Variants in PHC3 observed in about 807,000 individuals in gnomAD.
PHC3 encodes the protein polyhomeotic-like protein 3.
Under a neutral mutation model 107.4 loss-of-function variants are expected in PHC3, and 13 were observed. That is an observed-to-expected ratio of 0.12 (90% CI 0.08 to 0.19). The LOEUF (loss-of-function observed/expected upper bound fraction) is 0.19, where lower values mean the gene tolerates loss of function less well. PHC3 is among the 10% of genes least tolerant of loss of function. The pLI is 1.00. For missense variants in PHC3, 992 were observed against 1,210.9 expected (o/e 0.82, Z 2.68); for synonymous variants, 456 against 427.4 (o/e 1.07, Z -0.83).
At chr3:170,103,812 G>A (rs1221734592) in intron 12 of PHC3, among the ~76,000 whole-genome samples, 1 of 152,198 alleles carries the variant, frequency 6.6e-6, no homozygotes, top group Non-Finnish European at 1.5e-5. Context: ...AGCACTTTGG[G>A]AGGCCAAGGT....
intron 1 of PHC3, among the ~76,000 whole-genome samples, chr3:170,179,241 G>C (rs1025863677): frequency 4.6e-5 from 7 of 152,012 alleles, no homozygotes; most frequent in African/African-American, 1.7e-4. Context: ...ACCAAAACAG[G>C]TAATGAGAGA....
At chr3:170,175,748 C>G (rs565673089) in intron 2 of PHC3, among the ~76,000 whole-genome samples, 1 of 151,498 alleles carries the variant, frequency 6.6e-6, no homozygotes, top group Non-Finnish European at 1.5e-5. Context: ...CATGGTGAAG[C>G]CCCATCTCTA....
intron 4 of PHC3, among the ~76,000 whole-genome samples, chr3:170,155,052 C>G (rs966158815): frequency 2.6e-5 from 4 of 152,174 alleles, no homozygotes; most frequent in Non-Finnish European, 5.9e-5. Flanking sequence ...CTTACTGAGC[C>G]CGATTACTGC....
intron 10 of PHC3, among the ~76,000 whole-genome samples, chr3:170,115,989 T>C (rs964392338): frequency 6.6e-6 from 1 of 152,006 alleles, no homozygotes; most frequent in African/African-American, 2.4e-5. Context: ...TCCAGATGAC[T>C]CAAAAGGCCT....
At chr3:170,128,054 G>A (rs1423738154) in intron 8 of PHC3, among the ~76,000 whole-genome samples, 1 of 151,974 alleles carries the variant, frequency 6.6e-6, no homozygotes, top group African/African-American at 2.4e-5. Flanking sequence ...TTTTTCCTTA[G>A]TAGAAATAAC....
chr3:170,178,966 T>C (rs1730967286), intron 1 of PHC3, 28 bp from the exon 2 acceptor site: 2 of 1,581,650 alleles, frequency 1.3e-6, no homozygotes, highest in Non-Finnish European at 1.7e-6. Context: ...GTGTTTGTAT[T>C]GGTAAAAGCA....
intron 4 of PHC3, among the ~76,000 whole-genome samples, chr3:170,165,762 A>G (rs1359407409): frequency 6.8e-6 from 1 of 146,196 alleles, no homozygotes; most frequent in Non-Finnish European, 1.5e-5. Context: ...TCAAAAAAAA[A>G]AAAAAAAAAA....
rs1158273386 is a variant in PHC3 at position 170,091,651 on chromosome 3, G to C, written c.*5579C>G. On this transcript the variant is annotated 3_prime_UTR_variant, in exon 15 of 15. Transcript: ENST00000495893. ...AGTAGAAAAGCTGATCTTCAGAGCT[G>C]AAAAGGAGGGCAGAGATTCTCCCTT... 6.6e-6 allele frequency: 1 copy of C among 152,120 alleles called. No individual in the cohort carries two copies. The highest frequency in any genetic ancestry group is 1.9e-4 in the East Asian group (1 of 5,196). The allele number at this position is 152,120 out of a possible 1,614,324, so 9.4% of individuals were successfully genotyped here.
At chr3:170,169,364 T>C (rs1729232906) in intron 4 of PHC3, among the ~76,000 whole-genome samples, 1 of 152,182 alleles carries the variant, frequency 6.6e-6, no homozygotes, top group Non-Finnish European at 1.5e-5. Flanking sequence ...GATGGCTCAT[T>C]ATCATCACTA....
At chr3:170,166,025 G>C (rs1052682447) in intron 4 of PHC3, among the ~76,000 whole-genome samples, 3 of 145,556 alleles carry the variant, frequency 2.1e-5, no homozygotes, top group African/African-American at 7.5e-5. Flanking sequence ...AATATATAAA[G>C]AACCACCAAA....
intron 11 of PHC3, among the ~76,000 whole-genome samples, chr3:170,112,599 C>T (rs1000174160): frequency 2.7e-5 from 4 of 150,330 alleles, no homozygotes; most frequent in Non-Finnish European, 4.4e-5. Context: ...TCTCAGCTCA[C>T]TGCAACCTCC....
At chr3:170,147,650 G>A (rs1009546036) in intron 5 of PHC3, 1 of 152,130 alleles carries the variant, frequency 6.6e-6, no homozygotes, top group Admixed American at 6.6e-5. Flanking sequence ...GTATATGGGA[G>A]GATATACATA....
Position 170,165,900 on chromosome 3 carries a change from G to A in PHC3, c.414+5473C>T, listed in dbSNP as rs554776145. Among the ~76,000 whole-genome samples the A allele has an allele frequency of 1.7e-3, 255 of 150,944 alleles. 2 individuals are homozygous for A. The highest frequency in any genetic ancestry group is 5.9e-3 in the African/African-American group (243 of 41,142). On this transcript the variant is annotated intron_variant, in intron 4 of 14. Coordinates refer to ENST00000495893, the MANE Select transcript of PHC3 (RefSeq NM_024947.4). ...GGAGGATCACTTGAGCCCAAGTGTT[G>A]GAGGCCGGCCTGGACAACACAGTGA...
Position 170,143,780 on chromosome 3 carries a change from C to A in PHC3, c.672+1643G>T, listed in dbSNP as rs147950234. 8.9e-3 allele frequency among the ~76,000 whole-genome samples: 1,349 copies of A among 152,216 alleles called. 8 individuals carry two copies. Among genetic ancestry groups the A allele is most frequent in the Non-Finnish European group, 0.014 (952 of 68,012 alleles). Reference sequence around the variant, plus strand: ...TCTATATACCATATAATTACTACCCCAACCAATATACAGAACATCACCTTA... The same window carrying A: ...TCTATATACCATATAATTACTACCCAAACCAATATACAGAACATCACCTTA... On this transcript the variant is annotated intron_variant, in intron 6 of 14. Coordinates refer to ENST00000495893, the MANE Select transcript of PHC3 (RefSeq NM_024947.4).
intron 1 of PHC3, among the ~76,000 whole-genome samples, chr3:170,179,736 T>C (rs1731080831): frequency 6.6e-6 from 1 of 152,218 alleles, no homozygotes; most frequent in Non-Finnish European, 1.5e-5. Context: ...TTACTTGTTG[T>C]GGTACAAAAT....
At chr3:170,119,539 C>T (rs1393487991) in intron 9 of PHC3, among the ~76,000 whole-genome samples, 2 of 151,856 alleles carry the variant, frequency 1.3e-5, no homozygotes, top group Admixed American at 6.6e-5. Context: ...TTGTAAAAAT[C>T]GAAAACATGA....
intron 4 of PHC3, among the ~76,000 whole-genome samples, chr3:170,155,089 C>T (rs1435602797): frequency 6.6e-6 from 1 of 152,164 alleles, no homozygotes; most frequent in Non-Finnish European, 1.5e-5. Context: ...GACGCTAATT[C>T]TAGGAGTCAC....
chr3:170,149,071 T>C lies in PHC3; in HGVS notation c.573+15A>G, dbSNP rs745653636. Reference sequence around the variant, plus strand: ...GTCCTTAAACACTGAAAAAATTTGGTAGCTCATATCTTACCATTTGAGCTC... The same window carrying C: ...GTCCTTAAACACTGAAAAAATTTGGCAGCTCATATCTTACCATTTGAGCTC... On this transcript the variant is annotated intron_variant, in intron 5 of 14. Transcript: ENST00000495893. The C allele has an allele frequency of 1.1e-5, 18 of 1,609,310 alleles. No individual in the cohort carries two copies. The highest frequency in any genetic ancestry group is 1.5e-5 in the Non-Finnish European group (18 of 1,177,964).
intron 1 of PHC3, among the ~76,000 whole-genome samples, chr3:170,181,461 C>A (rs1309361093): frequency 6.6e-6 from 1 of 152,112 alleles, no homozygotes; most frequent in African/African-American, 2.4e-5. Flanking sequence ...GCGCGCAGGG[C>A]CGCGCAGATC....
Sources: gnomAD v4.1 joint callset for allele counts (sites outside exome capture counted in the v4.1 genomes callset) on GRCh38, gnomAD v4.1.1 for gene constraint, MANE v1.5 for transcripts, NCBI Gene and HGNC (gene_info 2026-07-23, HGNC 2026-07-21) for gene names.